Variants in CNGA3 observed in about 807,000 individuals in gnomAD.
The protein encoded by CNGA3 is cyclic nucleotide gated channel subunit alpha 3, also known as cyclic nucleotide-gated channel alpha-3.
In CNGA3, 42 loss-of-function variants were observed where a neutral mutation model predicts 46.6. That is an observed-to-expected ratio of 0.90 (90% CI 0.70 to 1.17). The LOEUF (loss-of-function observed/expected upper bound fraction) is 1.17, where lower values mean the gene tolerates loss of function less well. Among genes scored for constraint, CNGA3 ranks in the 50% most tolerant of loss-of-function variants. The pLI is 0.00. For missense variants in CNGA3, 893 were observed against 890.7 expected (o/e 1.00, Z -0.03); for synonymous variants, 394 against 369.4 (o/e 1.07, Z -0.76).
intron 1 of CNGA3, among the ~76,000 whole-genome samples, chr2:98,363,466 G>A (rs1692078766): frequency 6.6e-6 from 1 of 152,102 alleles, no homozygotes; most frequent in South Asian, 2.1e-4. Context: ...TTGATGTATA[G>A]GAATGCTTGT....
In CNGA3 at chr2:98,369,843, A is replaced by G. The variant is rs752156978; in HGVS notation, c.-37-96A>G. 1,404 of 745,028 alleles carry G rather than the reference A, an allele frequency of 1.9e-3. 25 individuals carry two copies. Among genetic ancestry groups the G allele is most frequent in the Middle Eastern group, 8.0e-3 (34 of 4,228 alleles). 46.2% of individuals were successfully genotyped at this position (745,028 alleles called of 1,614,324 possible). A position where few individuals can be genotyped will look rare whatever the true frequency, so the allele number is the denominator to read the frequency against. On this transcript the variant is annotated intron_variant, in intron 1 of 7. Coordinates refer to ENST00000272602, the MANE Select transcript of CNGA3 (RefSeq NM_001298.3). The stretch of plus-strand genomic sequence containing the variant: ...AGAGGGTGTGCCTGCCAGGGCTTGC[A>G]GGGGGGCCGCGTGCGGTAGCCCTTG...
intron 2 of CNGA3, chr2:98,377,330 C>A: frequency 4.1e-6 from 1 of 242,002 alleles, no homozygotes; most frequent in Non-Finnish European, 8.3e-6. Context: ...AACCAAAATC[C>A]TCGTTCTGGA....
At chr2:98,373,574 T>C (rs1692336455) in intron 2 of CNGA3, among the ~76,000 whole-genome samples, 1 of 152,172 alleles carries the variant, frequency 6.6e-6, no homozygotes, top group Non-Finnish European at 1.5e-5. Context: ...GGAATTATTT[T>C]TATAGTGGAA....
At chr2:98,358,034 A>C (rs1221138696) in intron 1 of CNGA3, among the ~76,000 whole-genome samples, 1 of 152,252 alleles carries the variant, frequency 6.6e-6, no homozygotes, top group Non-Finnish European at 1.5e-5. Flanking sequence ...TGGATATGGA[A>C]GTGCCTCGCA....
Position 98,397,160 on chromosome 2 carries a change from C to G in CNGA3, c.1990C>G (p.Gln664Glu). 1 of 1,614,096 alleles carries G rather than the reference C, an allele frequency of 6.2e-7. No individual in the cohort carries two copies. Among genetic ancestry groups the G allele is most frequent in the Non-Finnish European group, 8.5e-7 (1 of 1,180,006 alleles). Residue 664 changes from glutamine to glutamate, a missense_variant, in exon 8 of 8, where the codon CAA becomes GAA. By Grantham distance (29) the Gln-to-Glu change is conservative. This residue lies in a region of CNGA3 where 548 missense variants were observed against 570.8 expected (regional missense o/e 0.96). Coordinates refer to ENST00000272602, the MANE Select transcript of CNGA3 (RefSeq NM_001298.3). ...GATGAAGATGAAGCAGCGTCTCAGC[C>G]AACTGGAAAGCCAGGTGAAGGGTGG... Reference protein sequence around the residue: ...TQMKMKQRLSQLESQVKGGGD... With the variant: ...TQMKMKQRLSELESQVKGGGD...
At position 98,384,663 on chromosome 2, in the gene CNGA3, A is replaced by T. The variant is rs573599746; in HGVS notation, c.449+1222A>T. On this transcript the variant is annotated intron_variant, in intron 5 of 7. Transcript: ENST00000272602. ...TGTTTGACTTAAAGCCAAACCTGACACTAAACACCCTTGCAGCTGCAGTAT... is the reference window on the plus strand; with the variant it reads ...TGTTTGACTTAAAGCCAAACCTGACTCTAAACACCCTTGCAGCTGCAGTAT... 1.4e-4 allele frequency among the ~76,000 whole-genome samples: 22 copies of T among 152,328 alleles called. No individual in the cohort carries two copies. In the East Asian group the frequency reaches 3.9e-3, roughly 27 times the overall value.
chr2:98,366,097 T>C (rs1274285054), intron 1 of CNGA3, among the ~76,000 whole-genome samples: 1 of 152,188 alleles, frequency 6.6e-6, no homozygotes, highest in Non-Finnish European at 1.5e-5. Flanking sequence ...AACTTTTTAG[T>C]TGATGCTGTT....
At chr2:98,387,650 G>A (rs1380456636) in intron 5 of CNGA3, among the ~76,000 whole-genome samples, 1 of 152,192 alleles carries the variant, frequency 6.6e-6, no homozygotes, top group Non-Finnish European at 1.5e-5. Context: ...CCGTCTCGCA[G>A]CCCAGCAAAG....
At chr2:98,385,493 A>G (rs1041127106) in intron 5 of CNGA3, among the ~76,000 whole-genome samples, 1 of 152,210 alleles carries the variant, frequency 6.6e-6, no homozygotes. Flanking sequence ...GAATTCCACT[A>G]TCAGAGATAG....
chr2:98,369,989 A>G lies in CNGA3; in HGVS notation c.14A>G (p.Asn5Ser). 2.5e-6 allele frequency: 4 copies of G among 1,613,930 alleles called. No individual in the cohort carries two copies. Among genetic ancestry groups the G allele is most frequent in the Non-Finnish European group, 3.4e-6 (4 of 1,179,908 alleles). MAKI[N>S]TQYSHPSRTH... is the part of the protein sequence containing the mutation. ...CAAACCGAGAAGATGGCCAAGATCAACACCCAATACTCCCACCCCTCCAGG... is the reference window on the plus strand; with the variant it reads ...CAAACCGAGAAGATGGCCAAGATCAGCACCCAATACTCCCACCCCTCCAGG... Residue 5 changes from asparagine to serine, a missense_variant, in exon 2 of 8, where the codon AAC becomes AGC. By Grantham distance (46) the Asn-to-Ser change is conservative. Coordinates refer to ENST00000272602, the MANE Select transcript of CNGA3 (RefSeq NM_001298.3).
intron 7 of CNGA3, 103 bp downstream of exon 7, chr2:98,392,073 G>A: frequency 9.7e-7 from 1 of 1,033,292 alleles, no homozygotes; most frequent in Non-Finnish European, 1.5e-6. Flanking sequence ...GACCATGAGA[G>A]GCCAGGCAGG....
chr2:98,366,491 C>A (rs768569404), intron 1 of CNGA3, among the ~76,000 whole-genome samples: 1 of 152,200 alleles, frequency 6.6e-6, no homozygotes, highest in African/African-American at 2.4e-5. Context: ...TTAAAGCCAG[C>A]CAGGGGAGAG....
chr2:98,378,340 C>T (rs1692460571), intron 3 of CNGA3: 1 of 1,060,284 alleles, frequency 9.4e-7, no homozygotes, highest in African/African-American at 1.6e-5. Flanking sequence ...GAAGTCATTT[C>T]ACCTTTTCAA....
intron 1 of CNGA3, among the ~76,000 whole-genome samples, chr2:98,355,626 T>C (rs1446643975): frequency 6.6e-6 from 1 of 152,248 alleles, no homozygotes; most frequent in Admixed American, 6.5e-5. Context: ...TGTACCAAAC[T>C]TTAATATATT....
chr2:98,377,180 T>C, intron 2 of CNGA3: 1 of 170,630 alleles, frequency 5.9e-6, no homozygotes, highest in East Asian at 1.5e-4. Flanking sequence ...CCAGGAAGCC[T>C]GCCAGACAAG....
At chr2:98,362,304 C>A (rs1465712361) in intron 1 of CNGA3, among the ~76,000 whole-genome samples, 8 of 151,006 alleles carry the variant, frequency 5.3e-5, no homozygotes, top group Non-Finnish European at 1.2e-4. Flanking sequence ...CTCAGCCTCC[C>A]GAGTAGCTAG....
chr2:98,370,019 AC>A lies in CNGA3; in HGVS notation c.46del (p.Leu16SerfsTer3). The A allele has an allele frequency of 6.2e-7, 1 of 1,614,008 alleles. No individual in the cohort carries two copies. The highest frequency in any genetic ancestry group is 8.5e-7 in the Non-Finnish European group (1 of 1,179,990). ...CAATACTCCCACCCCTCCAGGACCC[AC>A]CTCAAGGTAAAGACCTCAGACCGAG... ...NTQYSHPSRTHLKVKTSDRDL... is the reference protein window; with the variant it reads ...NTQYSHPSRTXLKVKTSDRDL... On this transcript the variant is annotated frameshift_variant, in exon 2 of 8. Transcript: ENST00000272602. LOFTEE classifies it high-confidence loss of function.
chr2:98,388,475 T>C (rs114181568), intron 5 of CNGA3, among the ~76,000 whole-genome samples: 4 of 152,124 alleles, frequency 2.6e-5, no homozygotes, highest in Non-Finnish European at 5.9e-5. Flanking sequence ...AGAGGGTGCT[T>C]GGAGCTGAGG....
At chr2:98,379,240 T>C (rs991842541) in intron 3 of CNGA3, among the ~76,000 whole-genome samples, 1 of 152,264 alleles carries the variant, frequency 6.6e-6, no homozygotes, top group Non-Finnish European at 1.5e-5. Flanking sequence ...TGCCTTAGGC[T>C]AAGGTCATAA....
Sources: allele counts gnomAD v4.1 joint callset (sites outside exome capture counted in the v4.1 genomes callset), GRCh38; gene constraint gnomAD v4.1.1; regional missense constraint gnomAD v4.1.1; transcripts MANE v1.5; gene names NCBI Gene and HGNC (gene_info 2026-07-23, HGNC 2026-07-21).